MOSPD1: variants seen among roughly 807,000 people sequenced by gnomAD.
MOSPD1 encodes motile sperm domain containing 1, also known as motile sperm domain-containing protein 1.
In MOSPD1, 5 loss-of-function variants were observed where a neutral mutation model predicts 16.7. That is an observed-to-expected ratio of 0.30 (90% CI 0.16 to 0.63). MOSPD1 has a LOEUF of 0.63. MOSPD1 is among the 30% of genes least tolerant of loss of function. The pLI, the probability that MOSPD1 is intolerant of heterozygous loss-of-function variation, is 0.82. For missense variants in MOSPD1, 104 were observed against 153.6 expected, an observed-to-expected ratio of 0.68 and a Z score of 1.71; for synonymous variants, 67 against 59.2, an observed-to-expected ratio of 1.13 and a Z score of -0.61.
At chrX:134,907,530 G>C (rs1202052847) in intron 1 of MOSPD1, among the ~76,000 whole-genome samples, 1 of 111,928 alleles carries the variant, frequency 8.9e-6, no homozygotes, top group Non-Finnish European at 1.9e-5. Context: ...CTTCCTCTCT[G>C]GACAGCAAAA....
intron 1 of MOSPD1, among the ~76,000 whole-genome samples, chrX:134,907,694 GTC>G: frequency 8.9e-6 from 1 of 112,417 alleles, no homozygotes; most frequent in South Asian, 3.7e-4. Context: ...GCGAAACCCC[GTC>G]TCTACTAAAA....
At chrX:134,912,341 C>A (rs1384472823) in intron 1 of MOSPD1, among the ~76,000 whole-genome samples, 2 of 111,183 alleles carry the variant, frequency 1.8e-5, no homozygotes, top group African/African-American at 6.5e-5. Flanking sequence ...TGCCACCATG[C>A]CCAGCTAATT....
chrX:134,910,789 G>A (rs755415455), intron 1 of MOSPD1, among the ~76,000 whole-genome samples: 1 of 112,060 alleles, frequency 8.9e-6, no homozygotes, highest in Non-Finnish European at 1.9e-5. Flanking sequence ...GGCTAGAAAG[G>A]TAAGTTAGAG....
chrX:134,895,045 A>G (rs1170241859), intron 4 of MOSPD1, among the ~76,000 whole-genome samples: 1 of 94,824 alleles, frequency 1.1e-5, no homozygotes, highest in Non-Finnish European at 2.3e-5. Context: ...TATACTTTAG[A>G]TACCAAGGTT....
intron 5 of MOSPD1, among the ~76,000 whole-genome samples, chrX:134,889,965 G>A (rs984391886): frequency 9.1e-6 from 1 of 109,442 alleles, no homozygotes; most frequent in Non-Finnish European, 1.9e-5. Context: ...CAGCTACTTG[G>A]GAAGCTGAGG....
At chrX:134,892,010 A>AAAC (rs1332976051) in intron 4 of MOSPD1, among the ~76,000 whole-genome samples, 1 of 112,308 alleles carries the variant, frequency 8.9e-6, no homozygotes, top group Non-Finnish European at 1.9e-5. Context: ...GCTTAATATA[A>AAAC]AACATACAAA....
At chrX:134,889,836 C>T (rs1042997456) in intron 5 of MOSPD1, among the ~76,000 whole-genome samples, 3 of 110,573 alleles carry the variant, frequency 2.7e-5, no homozygotes, top group African/African-American at 9.9e-5. Context: ...TTTGGGAGGC[C>T]GGGGCAGGTG....
chrX:134,897,156 G>T, intron 3 of MOSPD1, 122 bp from the exon 4 acceptor site: 1 of 458,339 alleles, frequency 2.2e-6, no homozygotes. Flanking sequence ...CTCAAAAACA[G>T]AAATTTGCTA....
At chrX:134,899,217 T>C (rs765510432) in intron 2 of MOSPD1, 52 bp from the exon 3 acceptor site, 1 of 1,173,823 alleles carries the variant, frequency 8.5e-7, no homozygotes, top group Admixed American at 2.6e-5. Flanking sequence ...TTAATTAGTT[T>C]CTACAAGTAA....
intron 1 of MOSPD1, among the ~76,000 whole-genome samples, chrX:134,909,042 C>T (rs143642943): frequency 0.013 from 1,394 of 110,164 alleles, 35 homozygotes; most frequent in African/African-American, 0.044. Flanking sequence ...CCGAGGCGGG[C>T]GGATCACGAG....
intron 5 of MOSPD1, among the ~76,000 whole-genome samples, chrX:134,889,714 G>A (rs928788347): frequency 3.6e-5 from 4 of 111,315 alleles, no homozygotes; most frequent in African/African-American, 1.3e-4. Flanking sequence ...CAGAGAAGGA[G>A]GATAATCACA....
At chrX:134,898,456 G>A (rs1372290210) in intron 3 of MOSPD1, among the ~76,000 whole-genome samples, 1 of 112,041 alleles carries the variant, frequency 8.9e-6, no homozygotes, top group African/African-American at 3.2e-5. Flanking sequence ...AACAAATACA[G>A]TGTACTTGGT....
intron 4 of MOSPD1, among the ~76,000 whole-genome samples, chrX:134,896,275 G>A (rs1406691053): frequency 9.0e-6 from 1 of 111,382 alleles, no homozygotes; most frequent in Non-Finnish European, 1.9e-5. Context: ...GGAAATGAGG[G>A]CTGGAGAGGG....
At chrX:134,893,230 T>C (rs1286516803) in intron 4 of MOSPD1, among the ~76,000 whole-genome samples, 1 of 112,080 alleles carries the variant, frequency 8.9e-6, no homozygotes, top group Non-Finnish European at 1.9e-5. Flanking sequence ...TTGTTTGGAA[T>C]GAAACAATAG....
At chrX:134,897,078 G>A (rs1359628460) in intron 3 of MOSPD1, 44 bp from the exon 4 acceptor site, 4 of 960,024 alleles carry the variant, frequency 4.2e-6, no homozygotes, top group East Asian at 3.1e-5. Context: ...ATTTCTGGGG[G>A]CCGGCCAAAC....
intron 5 of MOSPD1, among the ~76,000 whole-genome samples, chrX:134,891,212 C>T (rs2082861481): frequency 9.0e-6 from 1 of 111,141 alleles, no homozygotes; most frequent in Non-Finnish European, 1.9e-5. Context: ...TCATGGAATG[C>T]ATGCGTCTTA....
intron 4 of MOSPD1, among the ~76,000 whole-genome samples, chrX:134,892,804 A>G (rs1374001757): frequency 4.5e-5 from 5 of 110,996 alleles, no homozygotes; most frequent in African/African-American, 1.6e-4. Flanking sequence ...AGGGAGAAGA[A>G]TCGCTTGAAC....
intron 1 of MOSPD1, chrX:134,900,020 T>C (rs186314450): frequency 8.9e-6 from 1 of 111,898 alleles, no homozygotes; most frequent in East Asian, 2.8e-4. Context: ...CTTGTATAGC[T>C]TTTACCAAAT....
At chrX:134,891,740 C>CT in intron 4 of MOSPD1, 100 bp from the exon 5 acceptor site, 3 of 823,556 alleles carry the variant, frequency 3.6e-6, no homozygotes, top group Non-Finnish European at 5.1e-6. Context: ...CTGATTTTGT[C>CT]TAACTTCTCC....
Sources: gnomAD v4.1 joint callset for allele counts (sites outside exome capture counted in the v4.1 genomes callset) on GRCh38, gnomAD v4.1.1 for gene constraint, MANE v1.5 for transcripts, NCBI Gene and HGNC (gene_info 2026-07-23, HGNC 2026-07-21) for gene names.